The following NOTCH2NLR variants were observed in gnomAD, a reference collection of about 807,000 sequenced individuals.
NOTCH2NLR encodes notch 2 N-terminal like R, also known as notch 2 N-terminal like R (pseudogene).
NOTCH2NLR carries 33 observed loss-of-function variants against 35.6 expected under a neutral mutation model. That is an observed-to-expected ratio of 0.93 (90% CI 0.70 to 1.24). The LOEUF is 1.24. Ranked by LOEUF, NOTCH2NLR falls within the 50% of genes most tolerant of loss-of-function variation. The probability of loss-of-function intolerance (pLI) is 0.00; values close to 1 mark genes in which losing one functional copy is unlikely to be tolerated. For missense variants in NOTCH2NLR, 276 were observed against 362.2 expected (o/e 0.76, Z 1.93); for synonymous variants, 103 against 141.0 (o/e 0.73, Z 1.91).
intron 2 of NOTCH2NLR, among the ~76,000 whole-genome samples, chr1:120,782,354 GTTTAA>G (rs1440105996): frequency 8.0e-6 from 1 of 124,840 alleles, no homozygotes; most frequent in Non-Finnish European, 1.7e-5. Context: ...CTTTTAAAGT[GTTTAA>G]TTTAGTAGAC....
At chr1:120,724,394 G>A in intron 1 of NOTCH2NLR, 144 bp downstream of exon 1, 1 of 1,348,660 alleles carries the variant, frequency 7.4e-7, no homozygotes, top group Non-Finnish European at 9.7e-7. Flanking sequence ...GTTCCCAAGA[G>A]TTTGGACATC....
exon 1 of NOTCH2NLR, chr1:120,724,040 G>A: frequency 8.0e-7 from 1 of 1,253,572 alleles, no homozygotes. Context: ...TCGGAGCGTA[G>A]CGCCAGGGCC....
In NOTCH2NLR at chr1:120,729,758, G is replaced by C. The variant is rs1267971817; in HGVS notation, c.73+5508G>C. 2.6e-5 allele frequency among the ~76,000 whole-genome samples: 3 copies of C among 117,096 alleles called. 1 individual carries two copies. Among genetic ancestry groups the C allele is most frequent in the Non-Finnish European group, 4.9e-5 (3 of 61,020 alleles). The allele number at this position is 117,096 out of a possible 152,430, so 76.8% of individuals were successfully genotyped here. ...GCTCAGGTGTTCTCATGGAGATTCTGATTCAGTGCATCTGGAGTGTCATCT... is the reference window on the plus strand; with the variant it reads ...GCTCAGGTGTTCTCATGGAGATTCTCATTCAGTGCATCTGGAGTGTCATCT... On this transcript the variant is annotated intron_variant, in intron 1 of 4. Transcript: ENST00000624419.
chr1:120,727,875 T>A (rs1650833144), intron 1 of NOTCH2NLR, among the ~76,000 whole-genome samples: 1 of 117,842 alleles, frequency 8.5e-6, no homozygotes, highest in Non-Finnish European at 1.6e-5. Context: ...GCCTACCATA[T>A]GTGTAGTATT....
intron 1 of NOTCH2NLR, among the ~76,000 whole-genome samples, 195 bp from the exon 2 acceptor site, chr1:120,763,433 G>T (rs1357865495): frequency 9.2e-6 from 1 of 109,114 alleles, no homozygotes; most frequent in Non-Finnish European, 1.7e-5. Flanking sequence ...GACCACAAAT[G>T]TGGTTATTGT....
intron 1 of NOTCH2NLR, among the ~76,000 whole-genome samples, chr1:120,755,519 A>T (rs1651070126): frequency 1.0e-5 from 1 of 96,606 alleles, no homozygotes; most frequent in Admixed American, 1.0e-4. Flanking sequence ...AATAAAAGGA[A>T]AAACTACACA....
chr1:120,743,798 G>T lies in NOTCH2NLR; in HGVS notation c.73+19548G>T. On this transcript the variant is annotated intron_variant, in intron 1 of 4. Coordinates refer to ENST00000624419, the Ensembl canonical transcript of NOTCH2NLR. ...TATGGATAGTGTGAGCCCAGGGAAT[G>T]TGCTTAGATAAAAGCACATTTAACA... is the stretch of plus-strand genomic sequence containing the variant. 1.6e-5 allele frequency among the ~76,000 whole-genome samples: 2 copies of T among 127,110 alleles called. 1 individual carries two copies. The highest frequency in any genetic ancestry group is 7.7e-3 in the Middle Eastern group (2 of 260). The allele number at this position is 127,110 out of a possible 152,430, so 83.4% of individuals were successfully genotyped here.
intron 2 of NOTCH2NLR, among the ~76,000 whole-genome samples, chr1:120,764,908 A>G (rs2101412599): frequency 1.1e-5 from 1 of 88,808 alleles, no homozygotes; most frequent in South Asian, 3.5e-4. Context: ...ACACATTTTT[A>G]TTTCTTACCA....
Position 120,793,367 on chromosome 1 carries a change from C to T in NOTCH2NLR, c.622C>T (p.Gln208Ter). The T allele has an allele frequency of 1.4e-6, 2 of 1,428,736 alleles. 1 individual carries two copies. Among genetic ancestry groups the T allele is most frequent in the Non-Finnish European group, 1.9e-6 (2 of 1,067,770 alleles). The allele number at this position is 1,428,736 out of a possible 1,614,324, so 88.5% of individuals were successfully genotyped here. ...CAACCTGCCTGGTTCCTACCAGTGC[C>T]AGTGCCTTCAGGGCTTCACAGGCCA... The change falls in exon 4 of 5, where the codon CAG becomes TAG. Residue 208 changes from glutamine to a stop codon, truncating the protein, a stop_gained. Coordinates refer to ENST00000624419, the Ensembl canonical transcript of NOTCH2NLR. LOFTEE classifies it high-confidence loss of function.
intron 1 of NOTCH2NLR, among the ~76,000 whole-genome samples, chr1:120,761,365 CTT>C (rs1651135457): frequency 9.0e-6 from 1 of 110,818 alleles, no homozygotes; most frequent in South Asian, 2.7e-4. Flanking sequence ...CACAGGGAAC[CTT>C]TAGGGACATT....
chr1:120,792,814 C>G (rs1206792106), intron 3 of NOTCH2NLR, among the ~76,000 whole-genome samples: 1 of 94,602 alleles, frequency 1.1e-5, no homozygotes, highest in Non-Finnish European at 1.9e-5. Context: ...AGTTGATATT[C>G]AAACAGGAGC....
At chr1:120,740,146 G>A (rs1364450143) in intron 1 of NOTCH2NLR, among the ~76,000 whole-genome samples, 1 of 132,422 alleles carries the variant, frequency 7.6e-6, no homozygotes, top group African/African-American at 2.9e-5. Context: ...AACTGATTTG[G>A]TTGGATTATT....
chr1:120,781,895 C>G (rs1401500196), intron 2 of NOTCH2NLR, among the ~76,000 whole-genome samples: 1 of 113,068 alleles, frequency 8.8e-6, no homozygotes, highest in East Asian at 2.1e-4. Context: ...CTTCGAGTTC[C>G]TCATATATAA....
rs1238261956 is a variant in NOTCH2NLR at position 120,726,936 on chromosome 1, A to G, written c.73+2686A>G. Among the ~76,000 whole-genome samples the G allele has an allele frequency of 1.7e-5, 2 of 116,192 alleles. 1 individual carries two copies. The highest frequency in any genetic ancestry group is 1.0e-4 in the African/African-American group (2 of 19,644). 76.2% of individuals were successfully genotyped at this position (116,192 alleles called of 152,430 possible). A position where few individuals can be genotyped will look rare whatever the true frequency, so the allele number is the denominator to read the frequency against. On this transcript the variant is annotated intron_variant, in intron 1 of 4. Coordinates refer to ENST00000624419, the Ensembl canonical transcript of NOTCH2NLR. ...GCAACTTTTGGTTCACCTGGATTGT[A>G]GTTGCTGACTTCAAGACCTTTAGAG...
At chr1:120,752,564 T>A (rs1571022065) in intron 1 of NOTCH2NLR, among the ~76,000 whole-genome samples, 12 of 25,302 alleles carry the variant, frequency 4.7e-4, no homozygotes, top group East Asian at 4.0e-3. Flanking sequence ...ATTTTTTTTT[T>A]TTTTTTTTTT....
In NOTCH2NLR at chr1:120,770,386, G is replaced by A. The variant is rs1220931729; in HGVS notation, c.155+6677G>A. 6.3e-5 allele frequency among the ~76,000 whole-genome samples: 7 copies of A among 110,858 alleles called. 2 individuals carry two copies. The highest frequency in any genetic ancestry group is 1.2e-4 in the African/African-American group (2 of 17,200). The allele number at this position is 110,858 out of a possible 152,430, so 72.7% of individuals were successfully genotyped here. ...GGGTTTCACTGTGTTAGCCAGGATG[G>A]TCTCTATCTCCTGACCTCATGATCT... On this transcript the variant is annotated intron_variant, in intron 2 of 4. Coordinates refer to ENST00000624419, the Ensembl canonical transcript of NOTCH2NLR.
rs1397295234 is a variant in NOTCH2NLR at position 120,783,758 on chromosome 1, T to G, written c.156-1216T>G. On this transcript the variant is annotated intron_variant, in intron 2 of 4. Coordinates refer to ENST00000624419, the Ensembl canonical transcript of NOTCH2NLR. ...CTTAAACGTTAGGGTGGCCATAATA[T>G]ATGGGGAAGAAGGAGAAATCAGCAA... Among the ~76,000 whole-genome samples the G allele has an allele frequency of 1.1e-3, 130 of 116,770 alleles. 32 individuals carry two copies. Among genetic ancestry groups the G allele is most frequent in the African/African-American group, 3.8e-3 (75 of 19,874 alleles). 76.6% of individuals were successfully genotyped at this position (116,770 alleles called of 152,430 possible). A position where few individuals can be genotyped will look rare whatever the true frequency, so the allele number is the denominator to read the frequency against.
intron 3 of NOTCH2NLR, among the ~76,000 whole-genome samples, chr1:120,789,976 C>G (rs1352814839): frequency 1.2e-5 from 1 of 80,078 alleles, no homozygotes; most frequent in African/African-American, 9.7e-5. Context: ...TAAGAAGGAT[C>G]TCTTCTTGGT....
At chr1:120,724,321 C>G in intron 1 of NOTCH2NLR, 71 bp downstream of exon 1, 1 of 1,360,960 alleles carries the variant, frequency 7.3e-7, no homozygotes, top group South Asian at 1.3e-5. Flanking sequence ...TTCTCCCCCT[C>G]AGTCCTTCTC....
Sources: gnomAD v4.1 joint callset for allele counts (sites outside exome capture counted in the v4.1 genomes callset) on GRCh38, gnomAD v4.1.1 for gene constraint, MANE v1.5 for transcripts, NCBI Gene and HGNC (gene_info 2026-07-23, HGNC 2026-07-21) for gene names.